The following CSMD1 variants were observed in gnomAD, a reference collection of about 807,000 sequenced individuals.
CSMD1 encodes CUB and sushi domain-containing protein 1.
CSMD1 carries 213 observed loss-of-function variants against 417.5 expected under a neutral mutation model. The ratio of observed to expected loss-of-function variants is 0.51; its 90% CI spans 0.46 to 0.57. CSMD1 has a LOEUF of 0.57. Among genes scored for constraint, CSMD1 ranks in the 20% least tolerant of loss-of-function variants. The pLI, the probability that CSMD1 is intolerant of heterozygous loss-of-function variation, is 0.00. For synonymous variants in CSMD1, 2,862 were observed against 1,736.8 expected (o/e 1.65, Z -16.11); for missense variants, 6,923 against 4,529.7 (o/e 1.53, Z -15.17).
At chr8:3,916,917 TAAC>T (rs1471241345) in intron 5 of CSMD1, among the ~76,000 whole-genome samples, 1 of 151,020 alleles carries the variant, frequency 6.6e-6, no homozygotes, top group Non-Finnish European at 1.5e-5. Flanking sequence ...TTAAAAAAAA[TAAC>T]AATAATAATC....
Position 4,377,914 on chromosome 8 carries a change from A to C in CSMD1, c.415+42039T>G, listed in dbSNP as rs1802859058. Among the ~76,000 whole-genome samples, 5 of 152,336 alleles carry C rather than the reference A, an allele frequency of 3.3e-5. No individual in the cohort carries two copies. In the South Asian group the frequency reaches 1.0e-3, roughly 32 times the overall value. On this transcript the variant is annotated intron_variant, in intron 3 of 69. Transcript: ENST00000635120. Reference sequence around the variant, plus strand: ...TATGGATTACTTTGTATAGTACTTAAATTGGGAGGTACTTAACAAATGGCC... The same window carrying C: ...TATGGATTACTTTGTATAGTACTTACATTGGGAGGTACTTAACAAATGGCC...
intron 16 of CSMD1, among the ~76,000 whole-genome samples, chr8:3,397,527 C>T (rs1460857620): frequency 1.3e-5 from 2 of 152,336 alleles, no homozygotes; most frequent in African/African-American, 4.8e-5. Context: ...GTATATCACA[C>T]ATCTGGACCA....
intron 10 of CSMD1, among the ~76,000 whole-genome samples, chr8:3,539,681 A>C (rs976820186): frequency 1.3e-5 from 2 of 152,088 alleles, no homozygotes; most frequent in Non-Finnish European, 2.9e-5. Context: ...ACTAAGAACC[A>C]AATCAAGTGT....
intron 2 of CSMD1, among the ~76,000 whole-genome samples, chr8:4,505,100 A>G (rs2130306740): frequency 6.6e-6 from 1 of 152,314 alleles, no homozygotes; most frequent in Non-Finnish European, 1.5e-5. Context: ...TCCTACCAAC[A>G]CCAATATAAG....
intron 53 of CSMD1, among the ~76,000 whole-genome samples, chr8:2,999,551 G>A (rs1462349463): frequency 6.6e-6 from 1 of 152,116 alleles, no homozygotes; most frequent in Non-Finnish European, 1.5e-5. Context: ...GATGAGGCAG[G>A]GAGTGCCGCT....
intron 5 of CSMD1, among the ~76,000 whole-genome samples, chr8:3,903,651 T>C (rs536884976): frequency 1.3e-5 from 2 of 152,280 alleles, no homozygotes; most frequent in East Asian, 1.9e-4. Context: ...AAGGTTCTTG[T>C]TCCTTACAAA....
intron 49 of CSMD1, among the ~76,000 whole-genome samples, chr8:3,076,112 T>C (rs1024199472): frequency 2.6e-5 from 4 of 151,956 alleles, no homozygotes; most frequent in Non-Finnish European, 5.9e-5. Flanking sequence ...TGTGTCTGTA[T>C]TCTTTTGCCA....
chr8:3,737,542 C>A (rs1043807211), intron 6 of CSMD1, among the ~76,000 whole-genome samples: 2 of 152,190 alleles, frequency 1.3e-5, no homozygotes, highest in South Asian at 4.1e-4. Flanking sequence ...TTCTTTTTAC[C>A]AATCTCCTTG....
chr8:4,306,159 C>G (rs1798232412), intron 3 of CSMD1, among the ~76,000 whole-genome samples: 1 of 151,786 alleles, frequency 6.6e-6, no homozygotes, highest in Admixed American at 6.6e-5. Flanking sequence ...AGAAAGAGTA[C>G]TGGTTTAAAA....
intron 10 of CSMD1, among the ~76,000 whole-genome samples, chr8:3,568,627 G>T (rs12543143): frequency 0.24 from 35,870 of 151,936 alleles, 4,539 homozygotes; most frequent in Non-Finnish European, 0.28. Flanking sequence ...GTATTTGAGA[G>T]CTATATAACA....
At chr8:3,326,364 C>T (rs76140543) in intron 23 of CSMD1, among the ~76,000 whole-genome samples, 1 of 152,130 alleles carries the variant, frequency 6.6e-6, no homozygotes, top group African/African-American at 2.4e-5. Context: ...CTTCCACCTT[C>T]CTCCCTTTGA....
At position 3,709,408 on chromosome 8, in the gene CSMD1, T is replaced by A. The variant is rs375443337; in HGVS notation, c.932-917A>T. The stretch of plus-strand genomic sequence containing the variant: ...TTGCCTCTGAGCCTGTGACTCTATG[T>A]GTAAATAGCTGTGAGGGTTAGTTTT... On this transcript the variant is annotated intron_variant, in intron 6 of 69. Transcript: ENST00000635120. Among the ~76,000 whole-genome samples, 52 of 152,216 alleles carry A rather than the reference T, an allele frequency of 3.4e-4. 1 individual carries two copies. The South Asian group carries it at 0.011, about 31-fold the overall frequency.
At chr8:4,213,969 T>C (rs1004322123) in intron 3 of CSMD1, among the ~76,000 whole-genome samples, 2 of 152,174 alleles carry the variant, frequency 1.3e-5, no homozygotes, top group Non-Finnish European at 2.9e-5. Flanking sequence ...ATTTAACACA[T>C]GGTGTCTTTC....
At chr8:3,555,153 G>T (rs2116811797) in intron 10 of CSMD1, among the ~76,000 whole-genome samples, 1 of 152,044 alleles carries the variant, frequency 6.6e-6, no homozygotes, top group Non-Finnish European at 1.5e-5. Flanking sequence ...ACCTAGGCCA[G>T]AAAACAAGCA....
chr8:4,019,082 C>G (rs1199619110), intron 4 of CSMD1, among the ~76,000 whole-genome samples: 1 of 152,162 alleles, frequency 6.6e-6, no homozygotes, highest in South Asian at 2.1e-4. Context: ...TAGAAATTGT[C>G]TATATCTGGA....
intron 3 of CSMD1, among the ~76,000 whole-genome samples, chr8:4,117,805 C>T (rs138181270): frequency 6.6e-6 from 1 of 152,154 alleles, no homozygotes; most frequent in East Asian, 1.9e-4. Flanking sequence ...CAGAACGTAT[C>T]CTAGAGGACA....
chr8:4,296,481 A>C (rs577748297), intron 3 of CSMD1, among the ~76,000 whole-genome samples: 1 of 152,270 alleles, frequency 6.6e-6, no homozygotes, highest in East Asian at 1.9e-4. Flanking sequence ...AAATATTTTA[A>C]ATAATTAATA....
intron 37 of CSMD1, among the ~76,000 whole-genome samples, chr8:3,179,823 G>A (rs1302959067): frequency 6.6e-6 from 1 of 152,156 alleles, no homozygotes; most frequent in Non-Finnish European, 1.5e-5. Context: ...AACATCCACA[G>A]TATCATTTTA....
intron 5 of CSMD1, among the ~76,000 whole-genome samples, chr8:3,978,580 G>T (rs960418021): frequency 6.6e-6 from 1 of 152,096 alleles, no homozygotes; most frequent in Non-Finnish European, 1.5e-5. Flanking sequence ...AGGGTCTAAT[G>T]AATAGATTGA....
Sources: gnomAD v4.1 joint callset for allele counts (sites outside exome capture counted in the v4.1 genomes callset) on GRCh38, gnomAD v4.1.1 for gene constraint, MANE v1.5 for transcripts, NCBI Gene and HGNC (gene_info 2026-07-23, HGNC 2026-07-21) for gene names.